SYT3: variants seen among roughly 807,000 people sequenced by gnomAD.
SYT3 encodes synaptotagmin 3, also known as synaptotagmin-3.
SYT3 carries 25 observed loss-of-function variants against 50.6 expected under a neutral mutation model. That is an observed-to-expected ratio of 0.49 (90% confidence interval 0.36 to 0.69). The LOEUF (loss-of-function observed/expected upper bound fraction) is 0.69. Among genes scored for constraint, SYT3 ranks in the 30% least tolerant of loss-of-function variants. SYT3 has a pLI of 0.00. For missense variants in SYT3, 589 were observed against 793.6 expected, an observed-to-expected ratio of 0.74 and a Z score of 3.10; for synonymous variants, 323 against 353.9, an observed-to-expected ratio of 0.91 and a Z score of 0.98.
At chr19:50,640,556 G>A (rs1984644661), upstream of SYT3, among the ~76,000 whole-genome samples, 1 of 152,028 alleles carries the variant, frequency 6.6e-6, no homozygotes, top group Non-Finnish European at 1.5e-5. Context: ...TTTTCACTTG[G>A]GTGCAATTAT....
chr19:50,623,704 A>G (rs1190619639), intron 9 of SYT3, among the ~76,000 whole-genome samples: 1 of 150,186 alleles, frequency 6.7e-6, no homozygotes, highest in African/African-American at 2.4e-5. Context: ...TGGGAGGCTG[A>G]AGCAGGAGAA....
At position 50,625,760 on chromosome 19, in the gene SYT3, C is replaced by A; in HGVS notation, c.1402+137G>T. ...ACCCAGGAGTCCAGGCCCCTGGCCC[C>A]TCCTCCCTCAGACCCAGGAGTCCAG... On this transcript the variant is annotated intron_variant, in intron 7 of 10. Transcript: ENST00000600079. This position sits in a 1 kb window ranked among gnomAD's most constrained non-coding sequence, Gnocchi z 7.5. 2.3e-6 allele frequency: 2 copies of A among 873,404 alleles called. No individual in the cohort carries two copies. The highest frequency in any genetic ancestry group is 1.7e-6 in the Non-Finnish European group (1 of 584,432). 54.1% of individuals were successfully genotyped at this position (873,404 alleles called of 1,614,324 possible).
chr19:50,639,453 T>A lies in SYT3; in HGVS notation c.-153-291A>T, dbSNP rs1984602694. 1.3e-5 allele frequency: 2 copies of A among 150,344 alleles called. No individual in the cohort carries two copies. Among genetic ancestry groups the A allele is most frequent in the Non-Finnish European group, 1.5e-5 (1 of 67,670 alleles). 9.3% of individuals were successfully genotyped at this position (150,344 alleles called of 1,614,324 possible). A position where few individuals can be genotyped will look rare whatever the true frequency, so the allele number is the denominator to read the frequency against. Reference sequence around the variant, plus strand: ...TTTTTAAGGTTTTGGGGGGTTAAGATGCTGGGGTCCCAAGACGCTTCAGGG... The same window carrying A: ...TTTTTAAGGTTTTGGGGGGTTAAGAAGCTGGGGTCCCAAGACGCTTCAGGG... On this transcript the variant is annotated intron_variant, in intron 1 of 10. Coordinates refer to ENST00000600079, the MANE Select transcript of SYT3 (RefSeq NM_001160329.2). This position sits in a 1 kb window ranked among gnomAD's most constrained non-coding sequence, Gnocchi z 4.6.
upstream of SYT3, among the ~76,000 whole-genome samples, chr19:50,642,509 T>G (rs1439107934): frequency 6.6e-6 from 1 of 152,166 alleles, no homozygotes; most frequent in Non-Finnish European, 1.5e-5. Context: ...TCAGTTTCCC[T>G]CTCTGTAAGT....
the SYT3 span, among the ~76,000 whole-genome samples, chr19:50,648,710 G>A: frequency 6.6e-6 from 1 of 151,974 alleles, no homozygotes; most frequent in Non-Finnish European, 1.5e-5. Context: ...CCCTCTGGAG[G>A]CACCATGGCA....
intron 3 of SYT3, among the ~76,000 whole-genome samples, chr19:50,636,619 G>T (rs546499724): frequency 1.3e-5 from 2 of 152,316 alleles, no homozygotes; most frequent in African/African-American, 4.8e-5. Context: ...GAACCCTGCT[G>T]CTTTCTAGCT....
At chr19:50,636,769 T>C (rs1214362687) in intron 3 of SYT3, among the ~76,000 whole-genome samples, 1 of 152,248 alleles carries the variant, frequency 6.6e-6, no homozygotes, top group African/African-American at 2.4e-5. Flanking sequence ...TGGACCACAG[T>C]TGGTGCTCAG....
chr19:50,656,276 A>G, the SYT3 span: 8 of 1,536,008 alleles, frequency 5.2e-6, no homozygotes, highest in Non-Finnish European at 7.0e-6. Context: ...CTGGACCGAG[A>G]ACTCCCGTGC....
the SYT3 span, among the ~76,000 whole-genome samples, chr19:50,657,469 A>G: frequency 1.3e-5 from 2 of 152,228 alleles, no homozygotes; most frequent in African/African-American, 2.4e-5. Flanking sequence ...ACGTGATGCA[A>G]CTGTGTTTAG....
At chr19:50,657,520 A>T in the SYT3 span, among the ~76,000 whole-genome samples, 1 of 152,218 alleles carries the variant, frequency 6.6e-6, no homozygotes, top group Non-Finnish European at 1.5e-5. Context: ...GATTGACAAG[A>T]CATCAAAACC....
chr19:50,654,535 G>A, the SYT3 span, among the ~76,000 whole-genome samples: 7,191 of 151,886 alleles, frequency 0.047, 327 homozygotes, highest in African/African-American at 0.12. Flanking sequence ...CTGACCTCGT[G>A]ATCTGCCCGC....
the SYT3 span, among the ~76,000 whole-genome samples, chr19:50,656,900 C>T: frequency 5.3e-5 from 8 of 149,944 alleles, no homozygotes; most frequent in African/African-American, 1.5e-4. Flanking sequence ...TGCAGTGAGC[C>T]GAGATCGTGC....
At chr19:50,633,326 A>G (rs1568416435) in intron 3 of SYT3, among the ~76,000 whole-genome samples, 1 of 152,242 alleles carries the variant, frequency 6.6e-6, no homozygotes, top group Non-Finnish European at 1.5e-5. Flanking sequence ...ACTGAGACAC[A>G]GAGAGATTCA....
the SYT3 span, chr19:50,657,955 C>G: frequency 6.7e-7 from 1 of 1,498,008 alleles, no homozygotes; most frequent in Non-Finnish European, 8.9e-7. Context: ...AACCAGGAGG[C>G]CACGGGCTGA....
chr19:50,638,383 G>T (rs1240110911), intron 2 of SYT3, among the ~76,000 whole-genome samples: 1 of 152,064 alleles, frequency 6.6e-6, no homozygotes, highest in Admixed American at 6.5e-5. Context: ...TGTGGGTAGA[G>T]AGATTGGAGG....
intron 2 of SYT3, among the ~76,000 whole-genome samples, 152 bp downstream of exon 2, chr19:50,638,873 A>G (rs564111739): frequency 1.3e-5 from 2 of 152,178 alleles, no homozygotes; most frequent in African/African-American, 2.4e-5. Context: ...GAGAGGGGGA[A>G]TTAGTGACAC....
the SYT3 span, among the ~76,000 whole-genome samples, chr19:50,646,992 G>A: frequency 0.18 from 27,116 of 151,742 alleles, 2,580 homozygotes; most frequent in African/African-American, 0.21. Flanking sequence ...CACCACACCC[G>A]GCTAATTTTT....
chr19:50,628,906 C>T (rs1163062436), intron 6 of SYT3, among the ~76,000 whole-genome samples: 1 of 150,536 alleles, frequency 6.6e-6, no homozygotes, highest in African/African-American at 2.4e-5. Flanking sequence ...CTCACCACAA[C>T]CTCCACTTCC....
the SYT3 span, among the ~76,000 whole-genome samples, chr19:50,645,091 C>T: frequency 6.6e-6 from 1 of 152,234 alleles, no homozygotes; most frequent in African/African-American, 2.4e-5. Context: ...GGTGCTCCTC[C>T]TGGAGAGAGC....
Sources: gnomAD v4.1 joint callset for allele counts (sites outside exome capture counted in the v4.1 genomes callset) on GRCh38, gnomAD v4.1.1 for gene constraint, Gnocchi (gnomAD v3.1) non-coding constraint, MANE v1.5 for transcripts, NCBI Gene and HGNC (gene_info 2026-07-23, HGNC 2026-07-21) for gene names.